FANCD2: variants seen among roughly 807,000 people sequenced by gnomAD.
FANCD2 encodes the protein FA complementation group D2.
Under a neutral mutation model 192.3 loss-of-function variants are expected in FANCD2, and 131 were observed. The ratio of observed to expected loss-of-function variants is 0.68; its 90% CI spans 0.59 to 0.79. The LOEUF (loss-of-function observed/expected upper bound fraction) is 0.79. Ranked by LOEUF, FANCD2 falls within the 30% of genes least tolerant of loss-of-function variation. The pLI, the probability that FANCD2 is intolerant of heterozygous loss-of-function variation, is 0.00. For synonymous variants in FANCD2, 524 were observed against 612.5 expected, an observed-to-expected ratio of 0.86 and a Z score of 2.13; for missense variants, 1,508 against 1,701.6, an observed-to-expected ratio of 0.89 and a Z score of 2.00.
intron 43 of FANCD2, 113 bp downstream of exon 43, chr3:10,098,928 G>A (rs1246347817): frequency 1.9e-6 from 3 of 1,614,032 alleles, no homozygotes; most frequent in Non-Finnish European, 2.5e-6. Context: ...ATGCTTCTAT[G>A]CCCATTTCCA....
chr3:10,053,630 A>G (rs1441427464), intron 18 of FANCD2, among the ~76,000 whole-genome samples: 2 of 151,874 alleles, frequency 1.3e-5, no homozygotes, highest in African/African-American at 4.8e-5. Context: ...CTAGAAAAAA[A>G]AAAACAAGCA....
chr3:10,090,340 G>T lies in FANCD2; in HGVS notation c.3732G>T (p.Lys1244Asn). Residue 1244 changes from lysine (K) to asparagine (N), a missense_variant, in exon 37 of 44, where the codon AAG (lysine) becomes AAT (asparagine). Transcript: ENST00000675286. ...FFRVMMAELE[K>N]TVKKIEPGTA... is the part of the protein sequence containing the mutation. ...GTGTGATGATGGCTGAACTAGAGAAGACGGTGAAAAAAATTGAGCCTGGCA... is the reference window on the plus strand; with the variant it reads ...GTGTGATGATGGCTGAACTAGAGAATACGGTGAAAAAAATTGAGCCTGGCA... 1 of 1,611,202 alleles carries T rather than the reference G, an allele frequency of 6.2e-7. No homozygotes were observed. Among genetic ancestry groups the T allele is most frequent in the Non-Finnish European group, 8.5e-7 (1 of 1,178,616 alleles).
intron 28 of FANCD2, among the ~76,000 whole-genome samples, chr3:10,073,846 A>G (rs1018566833): frequency 2.0e-5 from 3 of 152,238 alleles, no homozygotes; most frequent in African/African-American, 4.8e-5. Context: ...ACTAAGATCC[A>G]GGGAGGGCAA....
rs1171221070 is a variant in FANCD2, at chr3:10,043,608, C to G, written c.1098+16C>G. The G allele has an allele frequency of 3.2e-6, 5 of 1,572,656 alleles. No individual in the cohort carries two copies. The East Asian group carries it at 1.1e-4, about 35-fold the overall frequency. ...CTGGATTAAGGTGAGATCTTTGGAA[C>G]TTTGATTATCAAGGAGGAAATGAGT... On this transcript the variant is annotated intron_variant, in intron 13 of 43. Coordinates refer to ENST00000675286, the MANE Select transcript of FANCD2 (RefSeq NM_001018115.3).
rs2086868199 is a variant in FANCD2 at position 10,041,713 on chromosome 3, A to G, written c.783+3A>G. 2.5e-6 allele frequency: 4 copies of G among 1,611,614 alleles called. No individual in the cohort carries two copies. The East Asian group carries it at 6.7e-5, about 27-fold the overall frequency. ...TTGACCCAAACTTCCTATTGAAGGT[A>G]GAAAAGACTCAGCTTTCCAGAAACA... On this transcript the variant is annotated splice_donor_region_variant and intron_variant, in intron 10 of 43. Transcript: ENST00000675286.
chr3:10,075,816 C>T (rs532411498), intron 29 of FANCD2, among the ~76,000 whole-genome samples: 11 of 146,344 alleles, frequency 7.5e-5, no homozygotes, highest in East Asian at 2.0e-4. Flanking sequence ...CTGCAAGCTC[C>T]GCCTCCCGGG....
At chr3:10,061,517 A>C (rs1404801586) in intron 19 of FANCD2, among the ~76,000 whole-genome samples, 4 of 152,132 alleles carry the variant, frequency 2.6e-5, no homozygotes. Context: ...AAGTTACTTT[A>C]TCTCTCTGCC....
intron 10 of FANCD2, among the ~76,000 whole-genome samples, chr3:10,041,963 A>G (rs1389189838): frequency 6.7e-6 from 1 of 150,010 alleles, no homozygotes; most frequent in Non-Finnish European, 1.5e-5. Flanking sequence ...CAGTGGTGCA[A>G]TCTCCGCTAA....
intron 8 of FANCD2, 103 bp downstream of exon 8, chr3:10,039,460 C>T: frequency 9.5e-7 from 1 of 1,056,306 alleles, no homozygotes; most frequent in South Asian, 1.5e-5. Context: ...CATACTTTTC[C>T]ATCCATCCAT....
chr3:10,042,321 A>T (rs141346605), intron 10 of FANCD2, among the ~76,000 whole-genome samples: 31 of 152,278 alleles, frequency 2.0e-4, no homozygotes, highest in African/African-American at 7.5e-4. Context: ...TTAGGCTCTA[A>T]ATGTAAGATA....
At chr3:10,064,968 T>G in intron 23 of FANCD2, 93 bp downstream of exon 23, 2 of 1,384,014 alleles carry the variant, frequency 1.4e-6, no homozygotes, top group Non-Finnish European at 2.1e-6. Flanking sequence ...GTCAAAAAAG[T>G]TTCTCTCGAG....
At chr3:10,067,016 C>T (rs1035589596) in intron 25 of FANCD2, among the ~76,000 whole-genome samples, 193 bp from the exon 26 acceptor site, 97 of 152,190 alleles carry the variant, frequency 6.4e-4, no homozygotes, top group African/African-American at 2.1e-3. Context: ...TGAGCCACCA[C>T]GCCTGGCTGA....
At chr3:10,094,951 T>C (rs1467079825) in intron 40 of FANCD2, 18 of 517,832 alleles carry the variant, frequency 3.5e-5, no homozygotes, top group Non-Finnish European at 2.8e-5. Context: ...AACTGAGACA[T>C]GGTAACCTAT....
chr3:10,038,656 C>G (rs2086789358), intron 7 of FANCD2, among the ~76,000 whole-genome samples: 1 of 149,428 alleles, frequency 6.7e-6, no homozygotes, highest in Non-Finnish European at 1.5e-5. Context: ...TCTCAACTCA[C>G]TGCAACCTCC....
chr3:10,064,836 A>C lies in FANCD2; in HGVS notation c.2129A>C (p.Lys710Thr), dbSNP rs1446223581. ...CTGCTGTTTTCTCAGGACTTTGCAA[A>C]AGATGGGGGTCCGGTGACCTCACAG... ...LPLLFSQDFA[K>T]DGGPVTSQES... Residue 710 changes from lysine (K) to threonine (T), a missense_variant, in exon 23 of 44, where the codon AAA (lysine) becomes ACA (threonine). Around this residue, in one of 5 missense-constraint regions of FANCD2, gnomAD observed 796 missense variants for 879.4 expected, o/e 0.91. Coordinates refer to ENST00000675286, the MANE Select transcript of FANCD2 (RefSeq NM_001018115.3). 6.2e-7 allele frequency: 1 copy of C among 1,613,888 alleles called. No homozygotes were observed. The highest frequency in any genetic ancestry group is 1.3e-5 in the African/African-American group (1 of 75,026).
intron 29 of FANCD2, among the ~76,000 whole-genome samples, chr3:10,077,278 T>C (rs57631744): frequency 0.23 from 34,348 of 152,046 alleles, 5,023 homozygotes; most frequent in African/African-American, 0.42. Context: ...TTTACCCTGC[T>C]GGGCGCAGTG....
chr3:10,089,853 T>G (rs1694477755), intron 36 of FANCD2, among the ~76,000 whole-genome samples: 1 of 152,234 alleles, frequency 6.6e-6, no homozygotes. Flanking sequence ...AATAGTTATC[T>G]TAACATTTGT....
intron 33 of FANCD2, 146 bp downstream of exon 33, chr3:10,086,068 C>T: frequency 1.5e-6 from 1 of 683,610 alleles, no homozygotes. Flanking sequence ...TGAGCTTTCT[C>T]ATCTATGTAT....
intron 9 of FANCD2, 157 bp downstream of exon 9, chr3:10,040,002 A>C (rs2086825280): frequency 2.7e-6 from 2 of 737,318 alleles, no homozygotes; most frequent in South Asian, 3.9e-5. Context: ...TAAAAAAAAA[A>C]GGTATATATT....
Sources: gnomAD v4.1 joint callset for allele counts (sites outside exome capture counted in the v4.1 genomes callset) on GRCh38, gnomAD v4.1.1 for gene constraint, gnomAD v4.1.1 regional missense constraint, MANE v1.5 for transcripts, NCBI Gene and HGNC (gene_info 2026-07-23, HGNC 2026-07-21) for gene names.